DHODH: variants seen among roughly 807,000 people sequenced by gnomAD.
The protein encoded by DHODH is dihydroorotate dehydrogenase (quinone).
DHODH carries 30 observed loss-of-function variants against 39.7 expected under a neutral mutation model. That is an observed-to-expected ratio of 0.76 (90% CI 0.57 to 1.02). The LOEUF is 1.02. DHODH is among the 50% of genes least tolerant of loss of function. The probability of loss-of-function intolerance (pLI) is 0.00; values close to 1 mark genes in which losing one functional copy is unlikely to be tolerated. For missense variants in DHODH, 531 were observed against 520.8 expected (o/e 1.02, Z -0.19); for synonymous variants, 222 against 213.8 (o/e 1.04, Z -0.34).
chr16:72,020,091 C>T (rs951600786), intron 4 of DHODH, among the ~76,000 whole-genome samples: 2 of 151,932 alleles, frequency 1.3e-5, no homozygotes, highest in African/African-American at 4.8e-5. Context: ...TCCTGGCCAA[C>T]ATGGTGAAAC....
chr16:72,023,277 T>C lies in DHODH; in HGVS notation c.932T>C (p.Leu311Ser). 6.2e-7 allele frequency: 1 copy of C among 1,614,212 alleles called. No homozygotes were observed. The highest frequency in any genetic ancestry group is 8.5e-7 in the Non-Finnish European group (1 of 1,180,034). The change falls in exon 7 of 9, where the codon TTA becomes TCA. Residue 311 changes from leucine to serine, a missense_variant. Transcript: ENST00000219240. Reference sequence around the variant, plus strand: ...CTGAGTGGGAAGCCCCTCCGGGATTTATCAACTCAAACCATTCGGGAGATG... The same window carrying C: ...CTGAGTGGGAAGCCCCTCCGGGATTCATCAACTCAAACCATTCGGGAGATG... ...GGLSGKPLRD[L>S]STQTIREMYA...
chr16:72,027,436 A>G lies in DHODH; in HGVS notation c.*3237A>G, dbSNP rs1036162475. ...GTGAGCCACCGCACCCGGCCCAAGG[A>G]TACCTATTTTTCTTAATGCTGGAAG... is the stretch of plus-strand genomic sequence containing the variant. On this transcript the variant is annotated 3_prime_UTR_variant, in exon 9 of 9. Coordinates refer to ENST00000219240, the MANE Select transcript of DHODH (RefSeq NM_001361.5). The G allele has an allele frequency of 6.6e-6, 1 of 152,100 alleles. No homozygotes were observed. Among genetic ancestry groups the G allele is most frequent in the African/African-American group, 2.4e-5 (1 of 41,392 alleles). The allele number at this position is 152,100 out of a possible 1,614,324, so 9.4% of individuals were successfully genotyped here. A position where few individuals can be genotyped will look rare whatever the true frequency, so the allele number is the denominator to read the frequency against.
chr16:72,012,653 T>C (rs554211517), intron 2 of DHODH, among the ~76,000 whole-genome samples: 1 of 152,232 alleles, frequency 6.6e-6, no homozygotes, highest in Non-Finnish European at 1.5e-5. Context: ...GCCACTGTCC[T>C]GCCTTGCTGA....
chr16:72,019,757 T>A (rs1357398893), intron 4 of DHODH, among the ~76,000 whole-genome samples: 1 of 152,146 alleles, frequency 6.6e-6, no homozygotes, highest in African/African-American at 2.4e-5. Flanking sequence ...CAGGGTACCC[T>A]CAGTTATTAT....
At chr16:72,021,369 C>T (rs1395449762) in intron 5 of DHODH, 58 bp downstream of exon 5, 2 of 1,529,534 alleles carry the variant, frequency 1.3e-6, no homozygotes, top group African/African-American at 1.4e-5. Context: ...ACCTGCTCCC[C>T]TTCATTCTCC....
chr16:72,017,053 T>C lies in DHODH; in HGVS notation c.464T>C (p.Val155Ala). 1 of 1,614,044 alleles carries C rather than the reference T, an allele frequency of 6.2e-7. No homozygotes were observed. The highest frequency in any genetic ancestry group is 8.5e-7 in the Non-Finnish European group (1 of 1,179,994). ...GGATTTAACAGTCACGGGCTTTCAG[T>C]GGTGGAACACAGGTTACGGGCCAGA... is the stretch of plus-strand genomic sequence containing the variant. Reference protein sequence around the residue: ...RYGFNSHGLSVVEHRLRARQQ... With the variant: ...RYGFNSHGLSAVEHRLRARQQ... The change falls in exon 4 of 9, where the codon GTG becomes GCG. Residue 155 changes from valine (V) to alanine (A), a missense_variant. By Grantham distance (64) the Val-to-Ala change is moderately conservative. Transcript: ENST00000219240.
At position 72,012,010 on chromosome 16, in the gene DHODH, C is replaced by T. The variant is rs753133492; in HGVS notation, c.22-40C>T. On this transcript the variant is annotated intron_variant, in intron 1 of 8. Transcript: ENST00000219240. The stretch of plus-strand genomic sequence containing the variant: ...GAAGGGCTCAGGAAGGGTGCTGCAG[C>T]CTGGCCTGGGGGACCCCCCTAATAT... 4 of 1,579,286 alleles carry T rather than the reference C, an allele frequency of 2.5e-6. No individual in the cohort carries two copies. The South Asian group carries it at 3.3e-5, about 13-fold the overall frequency.
rs930737054 is a variant in DHODH at position 72,024,281 on chromosome 16, G to C, written c.*82G>C. Reference sequence around the variant, plus strand: ...TTTGTGGCTGGATCATGAGAGGAGGGACTCCATCTTGAGCCATGTCCCCCA... The same window carrying C: ...TTTGTGGCTGGATCATGAGAGGAGGCACTCCATCTTGAGCCATGTCCCCCA... On this transcript the variant is annotated 3_prime_UTR_variant, in exon 9 of 9. Transcript: ENST00000219240. The C allele has an allele frequency of 1.4e-6, 2 of 1,481,264 alleles. No homozygotes were observed. Among genetic ancestry groups the C allele is most frequent in the African/African-American group, 2.8e-5 (2 of 72,230 alleles). The allele number at this position is 1,481,264 out of a possible 1,614,324, so 91.8% of individuals were successfully genotyped here.
chr16:72,009,509 C>CAAA (rs56347696), intron 1 of DHODH, among the ~76,000 whole-genome samples: 6 of 48,132 alleles, frequency 1.2e-4, no homozygotes, highest in South Asian at 1.2e-3. Flanking sequence ...GACTCCGTCT[C>CAAA]AAAAAAAAAA....
At chr16:72,018,077 A>G (rs1315672576) in intron 4 of DHODH, among the ~76,000 whole-genome samples, 1 of 150,016 alleles carries the variant, frequency 6.7e-6, no homozygotes, top group East Asian at 1.9e-4. Context: ...CCTGGCCACA[A>G]CATGCATTTT....
In DHODH at chr16:72,012,069, T is replaced by G; in HGVS notation, c.41T>G (p.Val14Gly). 1 of 1,614,066 alleles carries G rather than the reference T, an allele frequency of 6.2e-7. No individual in the cohort carries two copies. The highest frequency in any genetic ancestry group is 1.1e-5 in the South Asian group (1 of 91,072). ...RHLKKRAQDA[V>G]IILGGGGLLF... ...TTGCAGAAGCGGGCCCAGGATGCTG[T>G]GATCATCCTGGGGGGAGGAGGACTT... is the stretch of plus-strand genomic sequence containing the variant. Residue 14 changes from valine (V) to glycine (G), a missense_variant, in exon 2 of 9, where the codon GTG becomes GGG. Val to Gly is a moderately radical substitution (Grantham distance 109). Coordinates refer to ENST00000219240, the MANE Select transcript of DHODH (RefSeq NM_001361.5).
intron 8 of DHODH, 78 bp from the exon 9 acceptor site, chr16:72,024,067 G>T (rs2041253583): frequency 6.8e-7 from 1 of 1,478,878 alleles, no homozygotes; most frequent in African/African-American, 1.4e-5. Context: ...TGCGTTTCTG[G>T]GTGAACGTGG....
intron 1 of DHODH, chr16:72,009,138 ACC>A (rs2041053401): frequency 6.7e-6 from 8 of 1,189,672 alleles, no homozygotes; most frequent in Non-Finnish European, 8.4e-6. Context: ...CATGCTCCCA[ACC>A]CTTTTAGGTA....
intron 2 of DHODH, among the ~76,000 whole-genome samples, chr16:72,013,106 T>A (rs776897194): frequency 3.9e-5 from 6 of 151,966 alleles, no homozygotes; most frequent in African/African-American, 1.5e-4. Context: ...GTGGGAAGGG[T>A]CACTGTTATA....
At chr16:72,020,249 C>T (rs1270667116) in intron 4 of DHODH, among the ~76,000 whole-genome samples, 1 of 146,970 alleles carries the variant, frequency 6.8e-6, no homozygotes, top group African/African-American at 2.5e-5. Context: ...ACATTCCAGC[C>T]TGGGCAACAG....
At chr16:72,010,865 AC>A (rs1421863937) in intron 1 of DHODH, among the ~76,000 whole-genome samples, 3 of 152,056 alleles carry the variant, frequency 2.0e-5, no homozygotes, top group Admixed American at 1.3e-4. Context: ...AGTAGCTGAG[AC>A]CGCAGGCGCA....
chr16:72,008,970 T>C, intron 1 of DHODH, 185 bp downstream of exon 1: 1 of 1,494,362 alleles, frequency 6.7e-7, no homozygotes, highest in Non-Finnish European at 8.9e-7. Flanking sequence ...GTGGACTCGG[T>C]CAGGCGTGTG....
In DHODH at chr16:72,024,205, G is replaced by C; in HGVS notation, c.*6G>C. The C allele has an allele frequency of 6.2e-7, 1 of 1,614,172 alleles. No individual in the cohort carries two copies. ...GAGCAGATCATCGGAGGTGAGGACAGCGTCTGACGGGAAGCCTGATCTGGA... is the reference window on the plus strand; with the variant it reads ...GAGCAGATCATCGGAGGTGAGGACACCGTCTGACGGGAAGCCTGATCTGGA... On this transcript the variant is annotated 3_prime_UTR_variant, in exon 9 of 9. Transcript: ENST00000219240.
rs779682949 is a variant in DHODH at position 72,012,121 on chromosome 16, G to A, written c.93G>A (p.Thr31=). Residue 31 remains threonine, a synonymous_variant, in exon 2 of 9, where the codon ACG becomes ACA. Coordinates refer to ENST00000219240, the MANE Select transcript of DHODH (RefSeq NM_001361.5). ...TCTTCGCCTCCTACCTGATGGCCACGGGAGATGAGCGTTTCTATGCTGAAC... is the reference window on the plus strand; with the variant it reads ...TCTTCGCCTCCTACCTGATGGCCACAGGAGATGAGCGTTTCTATGCTGAAC... ...GLLFASYLMA[T]GDERFYAEHL... The A allele has an allele frequency of 1.1e-5, 17 of 1,614,016 alleles. No individual in the cohort carries two copies. Among genetic ancestry groups the A allele is most frequent in the Admixed American group, 1.0e-4 (6 of 59,994 alleles).
Sources: gnomAD v4.1 joint callset for allele counts (sites outside exome capture counted in the v4.1 genomes callset) on GRCh38, gnomAD v4.1.1 for gene constraint, MANE v1.5 for transcripts, NCBI Gene and HGNC (gene_info 2026-07-23, HGNC 2026-07-21) for gene names.